Variants in FANCL observed in about 807,000 individuals in gnomAD.
The protein encoded by FANCL is FA complementation group L.
In FANCL, 69 loss-of-function variants were observed where a neutral mutation model predicts 59.4. The observed-to-expected ratio is 1.16, with a 90% confidence interval of 0.96 to 1.42. The LOEUF is 1.42. Ranked by LOEUF, FANCL falls within the 40% of genes most tolerant of loss-of-function variation. FANCL has a pLI of 0.00. For synonymous variants in FANCL, 180 were observed against 147.1 expected (o/e 1.22, Z -1.62); for missense variants, 519 against 447.2 (o/e 1.16, Z -1.45).
intron 1 of FANCL, among the ~76,000 whole-genome samples, chr2:58,237,376 G>T (rs997945544): frequency 2.0e-5 from 3 of 152,008 alleles, no homozygotes; most frequent in Non-Finnish European, 2.9e-5. Context: ...GTGAGCCATA[G>T]ATCAAAGAAG....
At chr2:58,175,053 C>T (rs959965943) in intron 7 of FANCL, among the ~76,000 whole-genome samples, 24 of 151,666 alleles carry the variant, frequency 1.6e-4, no homozygotes, top group African/African-American at 4.9e-4. Context: ...ATAAATTCCT[C>T]GACACATACT....
At chr2:58,226,473 C>T (rs543323179) in intron 4 of FANCL, among the ~76,000 whole-genome samples, 1 of 152,190 alleles carries the variant, frequency 6.6e-6, no homozygotes, top group South Asian at 2.1e-4. Flanking sequence ...CATTTTATTT[C>T]TTCACCACCT....
At chr2:58,219,601 G>T (rs1239152987) in intron 5 of FANCL, among the ~76,000 whole-genome samples, 2 of 151,942 alleles carry the variant, frequency 1.3e-5, no homozygotes, top group Non-Finnish European at 2.9e-5. Context: ...CAACAGTGAT[G>T]AGTCACAGAG....
At chr2:58,193,409 T>G (rs1689127912) in intron 7 of FANCL, among the ~76,000 whole-genome samples, 1 of 152,100 alleles carries the variant, frequency 6.6e-6, no homozygotes, top group South Asian at 2.1e-4. Context: ...CAATATAGGC[T>G]GCTTTTTAAA....
At chr2:58,196,537 GAATT>G (rs1000032267) in intron 7 of FANCL, among the ~76,000 whole-genome samples, 5 of 151,612 alleles carry the variant, frequency 3.3e-5, no homozygotes, top group Admixed American at 6.6e-5. Context: ...ACTTAAATTT[GAATT>G]AATATTATTA....
chr2:58,217,609 C>T (rs1691981898), intron 5 of FANCL, among the ~76,000 whole-genome samples: 1 of 151,534 alleles, frequency 6.6e-6, no homozygotes. Context: ...AGAAACATGT[C>T]CTAATAACAA....
intron 7 of FANCL, among the ~76,000 whole-genome samples, chr2:58,169,334 A>G (rs546965909): frequency 6.4e-4 from 97 of 152,324 alleles, no homozygotes; most frequent in African/African-American, 2.2e-3. Flanking sequence ...ACGGAAAACT[A>G]ACAAACAGAA....
intron 12 of FANCL, among the ~76,000 whole-genome samples, chr2:58,161,156 T>TACA (rs1685097758): frequency 6.6e-6 from 1 of 152,032 alleles, no homozygotes; most frequent in Non-Finnish European, 1.5e-5. Flanking sequence ...TTCACTGTAT[T>TACA]ACTGCCACTT....
rs749521594 is a variant in FANCL, at chr2:58,207,884, T to C, written c.375-3658A>G. On this transcript the variant is annotated intron_variant, in intron 5 of 13. Coordinates refer to ENST00000233741, the MANE Select transcript of FANCL (RefSeq NM_018062.4). ...CCAGCCTGGGCGACACAGTGAGACC[T>C]CATCTTTACAAAAATCTTTTTAAAA... Among the ~76,000 whole-genome samples the C allele has an allele frequency of 7.3e-4, 111 of 152,086 alleles. 2 individuals carry two copies. Among genetic ancestry groups the C allele is most frequent in the Non-Finnish European group, 1.9e-4 (13 of 68,000 alleles).
chr2:58,169,352 G>T (rs554905304), intron 7 of FANCL, among the ~76,000 whole-genome samples: 2 of 152,150 alleles, frequency 1.3e-5, no homozygotes, highest in African/African-American at 4.8e-5. Context: ...GAAAGCAATA[G>T]CATCAACATC....
chr2:58,204,195 T>C lies in FANCL; in HGVS notation c.406A>G (p.Ile136Val), dbSNP rs1690339149. 6.2e-7 allele frequency: 1 copy of C among 1,613,302 alleles called. No homozygotes were observed. The highest frequency in any genetic ancestry group is 8.5e-7 in the Non-Finnish European group (1 of 1,179,356). Residue 136 changes from isoleucine to valine, a missense_variant, in exon 6 of 14, where the codon ATC (isoleucine) becomes GTC (valine). Ile to Val is a conservative substitution (Grantham distance 29). Transcript: ENST00000233741. ...LVYADTCFST[I>V]KLKAEDASGR... is the part of the protein sequence containing the mutation. ...GAAGCATCTTCTGCTTTTAACTTGATGGTACTGAAGCAGGTATCCGCATAC... is the reference window on the plus strand; with the variant it reads ...GAAGCATCTTCTGCTTTTAACTTGACGGTACTGAAGCAGGTATCCGCATAC...
At chr2:58,215,300 C>T (rs1055344313) in intron 5 of FANCL, among the ~76,000 whole-genome samples, 2 of 152,148 alleles carry the variant, frequency 1.3e-5, no homozygotes, top group African/African-American at 4.8e-5. Flanking sequence ...ATTTAAAAGG[C>T]TCCAACCATC....
chr2:58,221,897 T>C (rs770088485), intron 5 of FANCL, 45 bp downstream of exon 5: 37 of 1,344,524 alleles, frequency 2.8e-5, no homozygotes, highest in Non-Finnish European at 1.1e-5. Context: ...TAAGTTAAAA[T>C]ATATAAAACA....
In FANCL at chr2:58,159,459, G is replaced by C. The variant is rs1352314776; in HGVS notation, c.*306C>G. The C allele has an allele frequency of 6.2e-7, 1 of 1,613,416 alleles. No individual in the cohort carries two copies. Among genetic ancestry groups the C allele is most frequent in the African/African-American group, 1.3e-5 (1 of 74,862 alleles). ...CACAATTCCCAAACTCATTTTATGA[G>C]CCTCATCAAGATTTTACCAGTCCAG... On this transcript the variant is annotated 3_prime_UTR_variant, in exon 14 of 14. Coordinates refer to ENST00000233741, the MANE Select transcript of FANCL (RefSeq NM_018062.4).
chr2:58,182,214 C>T (rs1260926213), intron 7 of FANCL, among the ~76,000 whole-genome samples: 1 of 151,806 alleles, frequency 6.6e-6, no homozygotes, highest in African/African-American at 2.4e-5. Context: ...GTACTGGAAT[C>T]ACCTAAGGAA....
intron 1 of FANCL, among the ~76,000 whole-genome samples, chr2:58,233,457 C>A (rs1202188788): frequency 6.6e-6 from 1 of 152,006 alleles, no homozygotes; most frequent in Non-Finnish European, 1.5e-5. Flanking sequence ...GGCTTTCAGG[C>A]AACAGAAATA....
intron 7 of FANCL, among the ~76,000 whole-genome samples, chr2:58,174,087 C>T (rs1385756572): frequency 1.3e-5 from 2 of 152,128 alleles, no homozygotes; most frequent in Non-Finnish European, 2.9e-5. Context: ...GAGGAGCTAA[C>T]TATCCTAAAT....
chr2:58,218,664 T>C (rs1411336905), intron 5 of FANCL, among the ~76,000 whole-genome samples: 1 of 151,592 alleles, frequency 6.6e-6, no homozygotes, highest in African/African-American at 2.4e-5. Context: ...GTTGATAAAG[T>C]TGTCACCCAT....
chr2:58,180,254 T>C (rs1687796520), intron 7 of FANCL, among the ~76,000 whole-genome samples: 1 of 152,172 alleles, frequency 6.6e-6, no homozygotes, highest in Admixed American at 6.5e-5. Flanking sequence ...ATCATGCTAC[T>C]ATAAAGACAT....
Sources: gnomAD v4.1 joint callset for allele counts (sites outside exome capture counted in the v4.1 genomes callset) on GRCh38, gnomAD v4.1.1 for gene constraint, MANE v1.5 for transcripts, NCBI Gene and HGNC (gene_info 2026-07-23, HGNC 2026-07-21) for gene names.